MTMR1: variants seen among roughly 807,000 people sequenced by gnomAD.
The protein encoded by MTMR1 is myotubularin related protein 1, also known as phosphatidylinositol-3-phosphate phosphatase MTMR1.
MTMR1 carries 17 observed loss-of-function variants against 51.6 expected under a neutral mutation model. That is an observed-to-expected ratio of 0.33 (90% CI 0.23 to 0.49). The LOEUF (loss-of-function observed/expected upper bound fraction) is 0.49. MTMR1 is among the 20% of genes least tolerant of loss of function. MTMR1 has a pLI of 0.99. For missense variants in MTMR1, 386 were observed against 526.9 expected (o/e 0.73, Z 2.62); for synonymous variants, 201 against 205.6 (o/e 0.98, Z 0.19).
intron 2 of MTMR1, among the ~76,000 whole-genome samples, chrX:150,701,909 G>A (rs2040921325): frequency 1.8e-5 from 2 of 111,325 alleles, no homozygotes; most frequent in Non-Finnish European, 1.9e-5. Context: ...TAATGGATGA[G>A]GAAACCGAGG....
At chrX:150,755,218 T>A (rs906224038) in intron 14 of MTMR1, among the ~76,000 whole-genome samples, 10 of 110,395 alleles carry the variant, frequency 9.1e-5, no homozygotes, top group Non-Finnish European at 1.9e-4. Context: ...TTTAAATTTA[T>A]TTTTTTTGTA....
rs1316084795 is a variant in MTMR1, at chrX:150,740,519, T to A, written c.1473+3071T>A. ...CTCTTTGTGGTTAACCTGTTAGTGA[T>A]CTCAGCCAGTCCCATAACTTTGAAT... On this transcript the variant is annotated intron_variant, in intron 12 of 15. Transcript: ENST00000445323. Among the ~76,000 whole-genome samples the A allele has an allele frequency of 3.6e-5, 4 of 111,147 alleles. No individual in the cohort carries two copies. The East Asian group carries it at 8.5e-4, about 24-fold the overall frequency.
At chrX:150,697,406 C>T (rs1364360115) in intron 1 of MTMR1, among the ~76,000 whole-genome samples, 1 of 111,681 alleles carries the variant, frequency 9.0e-6, no homozygotes, top group African/African-American at 3.3e-5. Context: ...GTGTTTCTGT[C>T]CTTCAGATAT....
In MTMR1 at chrX:150,762,655, C is replaced by T. The variant is rs782644695; in HGVS notation, c.1948C>T (p.Arg650Cys). 1.5e-5 allele frequency: 18 copies of T among 1,208,138 alleles called. No individual in the cohort carries two copies. The highest frequency in any genetic ancestry group is 2.2e-5 in the Admixed American group (1 of 45,696). Residue 650 changes from arginine (R) to cysteine (C), a missense_variant, in exon 16 of 16, where the codon CGC (arginine) becomes TGC (cysteine). Transcript: ENST00000445323. ...VEGLQREVAT[R>C]AVSSSSERGS... ...GGGCCTACAGCGGGAGGTGGCCACG[C>T]GCGCCGTCTCATCCTCATCTGAGCG...
At chrX:150,741,734 C>T (rs140135345) in intron 12 of MTMR1, among the ~76,000 whole-genome samples, 493 of 112,678 alleles carry the variant, frequency 4.4e-3, no homozygotes, top group African/African-American at 0.015. Flanking sequence ...GCCTTGCACA[C>T]GCCATAGGAG....
chrX:150,726,138 G>C (rs907319148), intron 4 of MTMR1, among the ~76,000 whole-genome samples: 1 of 111,679 alleles, frequency 9.0e-6, no homozygotes, highest in Non-Finnish European at 1.9e-5. Flanking sequence ...CCTGAGCTCC[G>C]TCTCCTGTCG....
At chrX:150,757,429 C>A (rs1041698471) in intron 15 of MTMR1, among the ~76,000 whole-genome samples, 1 of 112,851 alleles carries the variant, frequency 8.9e-6, no homozygotes, top group Non-Finnish European at 1.9e-5. Context: ...ACTGCAAATG[C>A]TTTTCTCCTC....
At chrX:150,697,331 C>G (rs1243448412) in intron 1 of MTMR1, among the ~76,000 whole-genome samples, 2 of 112,084 alleles carry the variant, frequency 1.8e-5, no homozygotes, top group Non-Finnish European at 3.8e-5. Context: ...GGATCACTAG[C>G]ACAGAACTTC....
chrX:150,740,721 T>G (rs568348563), intron 12 of MTMR1, among the ~76,000 whole-genome samples: 15 of 111,435 alleles, frequency 1.3e-4, no homozygotes, highest in African/African-American at 4.9e-4. Flanking sequence ...TGGCTCACGA[T>G]TCTGCAGGCT....
intron 13 of MTMR1, among the ~76,000 whole-genome samples, chrX:150,746,412 C>A (rs1018448912): frequency 2.7e-5 from 3 of 111,954 alleles, no homozygotes; most frequent in Non-Finnish European, 1.9e-5. Flanking sequence ...TGAAGACTGG[C>A]CTGAAGCCTT....
chrX:150,707,537 C>A (rs782096842), intron 2 of MTMR1, among the ~76,000 whole-genome samples: 1 of 112,231 alleles, frequency 8.9e-6, no homozygotes, highest in Non-Finnish European at 1.9e-5. Context: ...AGTGAGATAT[C>A]GCTATATCCT....
chrX:150,699,086 C>G (rs2040811255), intron 1 of MTMR1, 109 bp from the exon 2 acceptor site: 1 of 386,722 alleles, frequency 2.6e-6, no homozygotes, highest in African/African-American at 2.6e-5. Flanking sequence ...ACCAAAGAGT[C>G]TAGTTAGTTC....
At position 150,737,230 on chromosome X, in the gene MTMR1, T is replaced by C; in HGVS notation, c.1267-12T>C. ...AATGTAGCCTGGTCTAATGTGCCTT[T>C]TTTTTCTGAAGATGCTGCTTGCTGG... On this transcript the variant is annotated splice_polypyrimidine_tract_variant and intron_variant, in intron 11 of 15. Transcript: ENST00000445323. 8.3e-7 allele frequency: 1 copy of C among 1,207,908 alleles called. No homozygotes were observed. The highest frequency in any genetic ancestry group is 1.1e-6 in the Non-Finnish European group (1 of 892,053).
In MTMR1 at chrX:150,755,764, G is replaced by A. The variant is rs782416631; in HGVS notation, c.1756G>A (p.Val586Met). 2 of 1,204,619 alleles carry A rather than the reference G, an allele frequency of 1.7e-6. No individual in the cohort carries two copies. The highest frequency in any genetic ancestry group is 2.2e-6 in the Non-Finnish European group (2 of 890,957). ...AGACGAGTTTTCTAATCCCTTCTTT[G>A]TGAATTATGAAAACCACGTGTTATA... The part of the protein sequence containing the change: ...QLDEFSNPFF[V>M]NYENHVLYPV... Residue 586 changes from valine to methionine, a missense_variant, in exon 15 of 16, where the codon GTG becomes ATG. Coordinates refer to ENST00000445323, the MANE Select transcript of MTMR1 (RefSeq NM_001306144.3).
In MTMR1 at chrX:150,731,454, C is replaced by T. The variant is rs1181635718; in HGVS notation, c.742-16C>T. On this transcript the variant is annotated splice_polypyrimidine_tract_variant and intron_variant, in intron 8 of 15. Coordinates refer to ENST00000445323, the MANE Select transcript of MTMR1 (RefSeq NM_001306144.3). ...CATGCATTTCACCCTCTTCTTCTTT[C>T]TCCAACACCTTACAGGGCTTGCCAA... 3 of 1,166,423 alleles carry T rather than the reference C, an allele frequency of 2.6e-6. No individual in the cohort carries two copies. The highest frequency in any genetic ancestry group is 3.4e-6 in the Non-Finnish European group (3 of 869,669).
Position 150,727,197 on chromosome X carries a change from T to A in MTMR1, c.353-18T>A. 1 of 1,130,787 alleles carries A rather than the reference T, an allele frequency of 8.8e-7. No individual in the cohort carries two copies. Among genetic ancestry groups the A allele is most frequent in the Non-Finnish European group, 1.2e-6 (1 of 826,257 alleles). The allele number at this position is 1,130,787 out of a possible 1,213,427, so 93.2% of individuals were successfully genotyped here. Reference sequence around the variant, plus strand: ...CAAGTCTATGGCAGTAGTTGCTACTTTGGCCTTTTTCTTTCAGTGAAAGAT... The same window carrying A: ...CAAGTCTATGGCAGTAGTTGCTACTATGGCCTTTTTCTTTCAGTGAAAGAT... On this transcript the variant is annotated intron_variant, in intron 4 of 15. Coordinates refer to ENST00000445323, the MANE Select transcript of MTMR1 (RefSeq NM_001306144.3).
intron 12 of MTMR1, among the ~76,000 whole-genome samples, chrX:150,739,868 G>GT (rs1201594484): frequency 8.9e-6 from 1 of 111,909 alleles, no homozygotes; most frequent in Non-Finnish European, 1.9e-5. Context: ...GCTAGTTAGG[G>GT]TGGAGCCAGC....
At chrX:150,736,848 A>AT in intron 11 of MTMR1, 68 bp downstream of exon 11, 1 of 1,020,785 alleles carries the variant, frequency 9.8e-7, no homozygotes, top group Non-Finnish European at 1.3e-6. Context: ...ATAAATACGT[A>AT]TATCTCCAAG....
At chrX:150,736,846 G>A (rs1320545699) in intron 11 of MTMR1, 66 bp downstream of exon 11, 10 of 1,019,846 alleles carry the variant, frequency 9.8e-6, no homozygotes, top group Non-Finnish European at 1.3e-5. Context: ...CCATAAATAC[G>A]TATATCTCCA....
Sources: allele counts gnomAD v4.1 joint callset (sites outside exome capture counted in the v4.1 genomes callset), GRCh38; gene constraint gnomAD v4.1.1; transcripts MANE v1.5; gene names NCBI Gene and HGNC (gene_info 2026-07-23, HGNC 2026-07-21).